FAM135B: variants seen among roughly 807,000 people sequenced by gnomAD.
FAM135B encodes the protein protein FAM135B.
A neutral mutation model predicts 127.7 loss-of-function variants in FAM135B; 43 were observed. That is an observed-to-expected ratio of 0.34 (90% CI 0.26 to 0.43). The LOEUF (loss-of-function observed/expected upper bound fraction) is 0.43. Among genes scored for constraint, FAM135B ranks in the 20% least tolerant of loss-of-function variants. The pLI, the probability that FAM135B is intolerant of heterozygous loss-of-function variation, is 1.00. For missense variants in FAM135B, 1,558 were observed against 1,725.6 expected, an observed-to-expected ratio of 0.90 and a Z score of 1.72; for synonymous variants, 670 against 665.1, an observed-to-expected ratio of 1.01 and a Z score of -0.11.
intron 19 of FAM135B, among the ~76,000 whole-genome samples, chr8:138,135,963 A>T (rs1420796791): frequency 6.6e-6 from 1 of 152,150 alleles, no homozygotes; most frequent in African/African-American, 2.4e-5. Flanking sequence ...GAAGAACACG[A>T]AAAGTAGGTA....
At chr8:138,430,326 C>T (rs973218468) in intron 1 of FAM135B, among the ~76,000 whole-genome samples, 2 of 152,178 alleles carry the variant, frequency 1.3e-5, no homozygotes, top group African/African-American at 4.8e-5. Context: ...CTCAGAAGAA[C>T]ACTGCAAGGA....
intron 12 of FAM135B, 65 bp from the exon 13 acceptor site, chr8:138,153,281 A>C: frequency 7.7e-7 from 1 of 1,296,184 alleles, no homozygotes; most frequent in Non-Finnish European, 1.0e-6. Context: ...AGTTATCCAA[A>C]TGTCTAACTG....
chr8:138,317,448 C>T (rs1394973491), intron 2 of FAM135B, among the ~76,000 whole-genome samples: 4 of 152,100 alleles, frequency 2.6e-5, no homozygotes, highest in Non-Finnish European at 5.9e-5. Context: ...CCTGACTGTC[C>T]ATATCAATAT....
intron 1 of FAM135B, among the ~76,000 whole-genome samples, chr8:138,380,077 T>C (rs148752794): frequency 6.6e-6 from 1 of 152,306 alleles, no homozygotes; most frequent in African/African-American, 2.4e-5. Context: ...CAATTCAAGT[T>C]GAATCACATG....
intron 19 of FAM135B, among the ~76,000 whole-genome samples, 195 bp downstream of exon 19, chr8:138,136,950 CAT>C (rs1816713881): frequency 6.6e-6 from 1 of 152,152 alleles, no homozygotes; most frequent in South Asian, 2.1e-4. Flanking sequence ...ATCTAATAAA[CAT>C]GTGACTGTTT....
At chr8:138,219,198 T>A (rs2130003872) in intron 7 of FAM135B, among the ~76,000 whole-genome samples, 1 of 152,344 alleles carries the variant, frequency 6.6e-6, no homozygotes, top group East Asian at 1.9e-4. Context: ...TGATAGAAAC[T>A]GTAAAATATA....
At chr8:138,193,642 C>T (rs930775072) in intron 9 of FAM135B, among the ~76,000 whole-genome samples, 13 of 152,198 alleles carry the variant, frequency 8.5e-5, no homozygotes, top group Admixed American at 5.2e-4. Flanking sequence ...TCCACAGGTA[C>T]GTGGCTCCGG....
intron 9 of FAM135B, among the ~76,000 whole-genome samples, chr8:138,182,220 G>T (rs890422163): frequency 6.6e-6 from 1 of 152,236 alleles, no homozygotes; most frequent in African/African-American, 2.4e-5. Flanking sequence ...GTTGATTATA[G>T]AAATGGCTTT....
intron 1 of FAM135B, among the ~76,000 whole-genome samples, chr8:138,413,373 T>C (rs898328855): frequency 6.6e-6 from 1 of 152,126 alleles, no homozygotes; most frequent in African/African-American, 2.4e-5. Context: ...TTCTAGTTAA[T>C]TATTATGTAT....
In FAM135B at chr8:138,377,427, C is replaced by T. The variant is rs1831549497; in HGVS notation, c.-19-9425G>A. Among the ~76,000 whole-genome samples the T allele has an allele frequency of 3.3e-5, 5 of 152,132 alleles. No individual in the cohort carries two copies. In the South Asian group the frequency reaches 1.0e-3, roughly 32 times the overall value. ...ACAAAGAACAGAAGGTTATTTGGCT[C>T]ATGGTTGTGGAGGCTGGGAAGTCCA... On this transcript the variant is annotated intron_variant, in intron 1 of 19. Transcript: ENST00000395297.
intron 1 of FAM135B, among the ~76,000 whole-genome samples, chr8:138,435,983 C>G (rs1835432629): frequency 6.6e-6 from 1 of 152,316 alleles, no homozygotes; most frequent in East Asian, 1.9e-4. Context: ...CAGCTTTCTA[C>G]CATCCTGCCC....
intron 1 of FAM135B, among the ~76,000 whole-genome samples, chr8:138,409,851 G>A (rs1833754167): frequency 7.6e-6 from 1 of 132,356 alleles, no homozygotes; most frequent in East Asian, 2.3e-4. Flanking sequence ...CTCCACTCCA[G>A]CCTGGGCGAC....
At chr8:138,229,139 A>G (rs897813239) in intron 7 of FAM135B, among the ~76,000 whole-genome samples, 3 of 152,024 alleles carry the variant, frequency 2.0e-5, no homozygotes, top group African/African-American at 7.2e-5. Flanking sequence ...GGCTGTCTTC[A>G]TTACTAAGAG....
intron 3 of FAM135B, among the ~76,000 whole-genome samples, chr8:138,282,084 C>T (rs1242746804): frequency 6.6e-6 from 1 of 152,214 alleles, no homozygotes. Context: ...GACATAGCCG[C>T]TTAATGAAAA....
At chr8:138,468,599 C>T (rs1056265190) in intron 1 of FAM135B, among the ~76,000 whole-genome samples, 1 of 152,216 alleles carries the variant, frequency 6.6e-6, no homozygotes, top group Admixed American at 6.5e-5. Context: ...TCTCCTGTAT[C>T]TGTCACAACT....
intron 1 of FAM135B, among the ~76,000 whole-genome samples, chr8:138,460,483 C>G (rs550494900): frequency 6.6e-6 from 1 of 152,198 alleles, no homozygotes; most frequent in Non-Finnish European, 1.5e-5. Flanking sequence ...TTCACACCAA[C>G]AGGGCCTTCA....
chr8:138,493,564 A>G (rs1587566103), intron 1 of FAM135B, among the ~76,000 whole-genome samples: 2 of 152,320 alleles, frequency 1.3e-5, no homozygotes, highest in East Asian at 3.9e-4. Context: ...GGCTATCATT[A>G]CAATGCTATG....
chr8:138,459,167 T>G (rs1836980077), intron 1 of FAM135B: 1 of 152,084 alleles, frequency 6.6e-6, no homozygotes, highest in African/African-American at 2.4e-5. Context: ...GGTAGAACAA[T>G]CAAAGAAGGA....
intron 3 of FAM135B, among the ~76,000 whole-genome samples, chr8:138,286,544 T>C (rs549611464): frequency 6.6e-6 from 1 of 152,304 alleles, no homozygotes; most frequent in South Asian, 2.1e-4. Flanking sequence ...CAGGGATATT[T>C]CACTCCTCAG....
Sources: gnomAD v4.1 joint callset for allele counts (sites outside exome capture counted in the v4.1 genomes callset) on GRCh38, gnomAD v4.1.1 for gene constraint, MANE v1.5 for transcripts, NCBI Gene and HGNC (gene_info 2026-07-23, HGNC 2026-07-21) for gene names.